Variants in NCKAP5 observed in about 807,000 individuals in gnomAD.
NCKAP5 encodes the protein nck-associated protein 5.
In NCKAP5, 92 loss-of-function variants were observed where a neutral mutation model predicts 167.0. The observed-to-expected ratio is 0.55, with a 90% CI of 0.47 to 0.66. NCKAP5 has a LOEUF of 0.66. NCKAP5 is among the 30% of genes least tolerant of loss of function. NCKAP5 has a pLI of 0.00. For missense variants in NCKAP5, 2,378 were observed against 2,315.0 expected (o/e 1.03, Z -0.56); for synonymous variants, 891 against 877.4 (o/e 1.02, Z -0.27).
At chr2:132,925,482 A>T (rs1372245419) in intron 8 of NCKAP5, among the ~76,000 whole-genome samples, 1 of 151,292 alleles carries the variant, frequency 6.6e-6, no homozygotes, top group East Asian at 1.9e-4. Flanking sequence ...GAATGGCGTG[A>T]ACCTGGGAGG....
At chr2:133,583,970 G>C in the NCKAP5 span, among the ~76,000 whole-genome samples, 1 of 152,138 alleles carries the variant, frequency 6.6e-6, no homozygotes, top group East Asian at 1.9e-4. Context: ...TAGCCAGGAT[G>C]GTCTCGATCT....
intron 6 of NCKAP5, among the ~76,000 whole-genome samples, chr2:133,070,734 T>C (rs1196525623): frequency 2.0e-5 from 3 of 152,152 alleles, no homozygotes; most frequent in Non-Finnish European, 4.4e-5. Context: ...GGGTAGACTA[T>C]ACAGGTGTGT....
At chr2:133,093,201 C>T (rs1174607325) in intron 6 of NCKAP5, among the ~76,000 whole-genome samples, 1 of 152,134 alleles carries the variant, frequency 6.6e-6, no homozygotes, top group African/African-American at 2.4e-5. Context: ...CAAAAATAAT[C>T]ATTTCATTCA....
intron 4 of NCKAP5, among the ~76,000 whole-genome samples, chr2:133,296,955 G>T (rs1680004264): frequency 6.6e-6 from 1 of 152,046 alleles, no homozygotes; most frequent in Admixed American, 6.6e-5. Context: ...GCCGCAAATG[G>T]ATAAAGATTT....
the NCKAP5 span, among the ~76,000 whole-genome samples, chr2:133,603,954 T>G: frequency 1.3e-5 from 2 of 152,226 alleles, no homozygotes; most frequent in Non-Finnish European, 2.9e-5. Flanking sequence ...GACTAGGTAC[T>G]CTCAGGGGCC....
chr2:132,778,127 G>C (rs1057011478), intron 15 of NCKAP5, among the ~76,000 whole-genome samples: 1 of 151,978 alleles, frequency 6.6e-6, no homozygotes, highest in Non-Finnish European at 1.5e-5. Context: ...CTGACTTACT[G>C]ACTTAATACC....
At chr2:133,515,675 A>G (rs865994828) in intron 3 of NCKAP5, among the ~76,000 whole-genome samples, 11 of 152,366 alleles carry the variant, frequency 7.2e-5, no homozygotes, top group African/African-American at 2.6e-4. Context: ...GTAATGTGAC[A>G]GGATTTTACT....
chr2:133,486,903 T>G (rs1259680852), intron 3 of NCKAP5, among the ~76,000 whole-genome samples: 1 of 152,178 alleles, frequency 6.6e-6, no homozygotes, highest in Non-Finnish European at 1.5e-5. Context: ...TCATAAGAGC[T>G]GTCATTGGCT....
intron 8 of NCKAP5, among the ~76,000 whole-genome samples, chr2:132,956,679 T>C (rs1243193271): frequency 6.6e-6 from 1 of 152,206 alleles, no homozygotes; most frequent in Non-Finnish European, 1.5e-5. Flanking sequence ...ACTTCAGGCC[T>C]GTCTATACAT....
chr2:132,703,597 C>A (rs900332817), intron 19 of NCKAP5, among the ~76,000 whole-genome samples: 1 of 152,110 alleles, frequency 6.6e-6, no homozygotes, highest in African/African-American at 2.4e-5. Flanking sequence ...CGATGGCTGA[C>A]GTTGAAGACT....
the NCKAP5 span, among the ~76,000 whole-genome samples, chr2:133,611,994 TA>T: frequency 2.6e-5 from 4 of 152,218 alleles, no homozygotes; most frequent in African/African-American, 9.6e-5. Flanking sequence ...CATTTCAACA[TA>T]ATTCTATGGT....
chr2:133,155,877 G>A (rs1025690311), intron 5 of NCKAP5, among the ~76,000 whole-genome samples: 1 of 152,202 alleles, frequency 6.6e-6, no homozygotes, highest in African/African-American at 2.4e-5. Flanking sequence ...AATCATGTGA[G>A]CCAAAATAAG....
chr2:133,046,474 G>A (rs1440774992), intron 6 of NCKAP5, among the ~76,000 whole-genome samples: 1 of 152,044 alleles, frequency 6.6e-6, no homozygotes, highest in Non-Finnish European at 1.5e-5. Context: ...GACCTCTCCA[G>A]CTCAAGTGAT....
intron 6 of NCKAP5, among the ~76,000 whole-genome samples, chr2:133,050,224 A>G (rs2079553951): frequency 6.6e-6 from 1 of 152,212 alleles, no homozygotes; most frequent in Admixed American, 6.5e-5. Flanking sequence ...AACACTTGGC[A>G]TAGTCTTAGT....
intron 6 of NCKAP5, among the ~76,000 whole-genome samples, chr2:132,996,412 C>T (rs953982072): frequency 2.0e-5 from 3 of 152,298 alleles, no homozygotes; most frequent in Middle Eastern, 6.8e-3. Flanking sequence ...CACACCCATT[C>T]CCATTTCCAG....
intron 3 of NCKAP5, among the ~76,000 whole-genome samples, chr2:133,471,006 C>T (rs1452831893): frequency 1.3e-5 from 2 of 152,268 alleles, no homozygotes; most frequent in South Asian, 2.1e-4. Context: ...TAGACTGGAG[C>T]TGTTCCTATT....
chr2:133,178,291 G>A (rs2084557929), intron 5 of NCKAP5, among the ~76,000 whole-genome samples: 1 of 151,900 alleles, frequency 6.6e-6, no homozygotes, highest in Non-Finnish European at 1.5e-5. Flanking sequence ...TTGAGGTCAG[G>A]AGTTTGAGAC....
intron 5 of NCKAP5, among the ~76,000 whole-genome samples, chr2:133,150,825 T>C (rs990097371): frequency 2.6e-5 from 4 of 152,092 alleles, no homozygotes; most frequent in Non-Finnish European, 5.9e-5. Context: ...AGCCCCAAAA[T>C]GGAAACAACC....
intron 8 of NCKAP5, among the ~76,000 whole-genome samples, chr2:132,959,526 T>C (rs1184146371): frequency 1.3e-5 from 2 of 152,138 alleles, no homozygotes; most frequent in African/African-American, 4.8e-5. Context: ...AGGTGTGCAG[T>C]TGGTCCCTGA....
Sources: allele counts gnomAD v4.1 joint callset (sites outside exome capture counted in the v4.1 genomes callset), GRCh38; gene constraint gnomAD v4.1.1; transcripts MANE v1.5; gene names NCBI Gene and HGNC (gene_info 2026-07-23, HGNC 2026-07-21).